Variants in EIF4E observed in about 807,000 individuals in gnomAD.
EIF4E encodes the protein eIF-4F 25 kDa subunit.
For missense variants in EIF4E, 113 were observed against 265.6 expected (o/e 0.43, Z 3.99); for synonymous variants, 71 against 88.5 (o/e 0.80, Z 1.11).
At chr4:98,900,813 C>T (rs1204682776) in intron 2 of EIF4E, among the ~76,000 whole-genome samples, 1 of 152,172 alleles carries the variant, frequency 6.6e-6, no homozygotes, top group Non-Finnish European at 1.5e-5. Context: ...TCCTGTTACA[C>T]TATTAACTAT....
intron 2 of EIF4E, among the ~76,000 whole-genome samples, chr4:98,897,493 G>A (rs1199208448): frequency 6.6e-6 from 1 of 152,086 alleles, no homozygotes; most frequent in Non-Finnish European, 1.5e-5. Context: ...ATGAACCCAG[G>A]AGGCGGAGGT....
Position 98,892,342 on chromosome 4 carries a change from A to C in EIF4E, c.126-1010T>G, listed in dbSNP as rs546685677. ...ATCTCAAAAAACAAAAAAACAAACAAAAAAAAAAAACAAAAAAAACACAGC... is the reference window on the plus strand; with the variant it reads ...ATCTCAAAAAACAAAAAAACAAACACAAAAAAAAAACAAAAAAAACACAGC... On this transcript the variant is annotated intron_variant, in intron 2 of 6. Coordinates refer to ENST00000450253, the MANE Select transcript of EIF4E (RefSeq NM_001968.5). Among the ~76,000 whole-genome samples, 250 of 147,264 alleles carry C rather than the reference A, an allele frequency of 1.7e-3. 8 individuals are homozygous for C. Among genetic ancestry groups the C allele is most frequent in the African/African-American group, 5.9e-3 (235 of 40,140 alleles).
At chr4:98,903,050 C>G (rs1244450415) in intron 1 of EIF4E, among the ~76,000 whole-genome samples, 3 of 152,168 alleles carry the variant, frequency 2.0e-5, no homozygotes, top group Admixed American at 6.5e-5. Flanking sequence ...AAAATTAACA[C>G]TGTCATCTAA....
intron 1 of EIF4E, among the ~76,000 whole-genome samples, chr4:98,902,521 TTA>T (rs1451184498): frequency 7.2e-5 from 11 of 152,174 alleles, no homozygotes; most frequent in African/African-American, 2.7e-4. Flanking sequence ...ATAACAGTAT[TTA>T]TAGTTATCCT....
intron 1 of EIF4E, among the ~76,000 whole-genome samples, chr4:98,906,191 C>T (rs1724867317): frequency 6.6e-6 from 1 of 152,146 alleles, no homozygotes; most frequent in South Asian, 2.1e-4. Flanking sequence ...CAAATATCTA[C>T]TTACTCACAG....
intron 1 of EIF4E, among the ~76,000 whole-genome samples, chr4:98,907,162 C>T (rs1040281196): frequency 2.0e-5 from 3 of 152,146 alleles, no homozygotes; most frequent in African/African-American, 7.2e-5. Context: ...ATATTTATCA[C>T]TTTCCTCCTT....
intron 1 of EIF4E, among the ~76,000 whole-genome samples, chr4:98,927,118 C>G (rs1254955247): frequency 6.6e-6 from 1 of 152,152 alleles, no homozygotes; most frequent in African/African-American, 2.4e-5. Flanking sequence ...ATTTTACATA[C>G]TTATTCTTCA....
intron 1 of EIF4E, chr4:98,926,584 G>A (rs1392270281): frequency 1.3e-5 from 2 of 151,892 alleles, no homozygotes; most frequent in East Asian, 1.9e-4. Context: ...TAAACACTTC[G>A]ATACTATTTT....
chr4:98,916,858 T>C (rs1035376887), intron 1 of EIF4E, among the ~76,000 whole-genome samples: 11 of 151,556 alleles, frequency 7.3e-5, no homozygotes, highest in African/African-American at 2.7e-4. Flanking sequence ...AGAAACCAAA[T>C]AACAGGAAGA....
chr4:98,898,126 A>C (rs969946771), intron 2 of EIF4E, among the ~76,000 whole-genome samples: 1 of 152,198 alleles, frequency 6.6e-6, no homozygotes, highest in Non-Finnish European at 1.5e-5. Flanking sequence ...GGGGGGGGAA[A>C]AAAGAAACCT....
At chr4:98,898,376 A>G (rs1034737676) in intron 2 of EIF4E, among the ~76,000 whole-genome samples, 1 of 152,106 alleles carries the variant, frequency 6.6e-6, no homozygotes, top group Non-Finnish European at 1.5e-5. Context: ...TGCGAGGCCG[A>G]GGTGGGTGGA....
intron 1 of EIF4E, among the ~76,000 whole-genome samples, chr4:98,915,821 C>T (rs1335088386): frequency 6.6e-6 from 1 of 151,642 alleles, no homozygotes; most frequent in African/African-American, 2.4e-5. Context: ...GGATTACAGA[C>T]GTGAGCCACT....
intron 2 of EIF4E, among the ~76,000 whole-genome samples, chr4:98,901,027 C>A (rs1013940530): frequency 6.6e-6 from 1 of 152,204 alleles, no homozygotes; most frequent in African/African-American, 2.4e-5. Flanking sequence ...TGGAACTACT[C>A]TATGGAACCT....
chr4:98,928,606 G>T (rs1225200900), intron 1 of EIF4E, among the ~76,000 whole-genome samples: 1 of 152,040 alleles, frequency 6.6e-6, no homozygotes, highest in Non-Finnish European at 1.5e-5. Flanking sequence ...TAAGGAAGAC[G>T]TGCGCGCGCC....
At chr4:98,888,645 G>A (rs575084731) in intron 3 of EIF4E, among the ~76,000 whole-genome samples, 1 of 152,296 alleles carries the variant, frequency 6.6e-6, no homozygotes, top group South Asian at 2.1e-4. Flanking sequence ...CGATGACTTA[G>A]TTGCTTGCCT....
At position 98,881,138 on chromosome 4, in the gene EIF4E, C is replaced by A. The variant is rs138645913; in HGVS notation, c.544G>T (p.Val182Leu). ...GGAAGTCCTAACCTTTCCTTGTATACCCTCCTAGAAGAAAAAAAAAAAGAA... is the reference window on the plus strand; with the variant it reads ...GGAAGTCCTAACCTTTCCTTGTATAACCTCCTAGAAGAAAAAAAAAAAGAA... ...NREAVTHIGR[V>L]YKERLGLPPK... Residue 182 changes from valine to leucine, a missense_variant, in exon 7 of 7, where the codon GTA becomes TTA. Physicochemically the swap from Val to Leu is conservative, Grantham distance 32 (BLOSUM62 1). Coordinates refer to ENST00000450253, the MANE Select transcript of EIF4E (RefSeq NM_001968.5). 6 of 1,610,168 alleles carry A rather than the reference C, an allele frequency of 3.7e-6. No individual in the cohort carries two copies. Among genetic ancestry groups the A allele is most frequent in the East Asian group, 2.2e-5 (1 of 44,814 alleles).
At chr4:98,901,081 G>T (rs1291956872) in intron 2 of EIF4E, among the ~76,000 whole-genome samples, 1 of 152,152 alleles carries the variant, frequency 6.6e-6, no homozygotes, top group Non-Finnish European at 1.5e-5. Flanking sequence ...TTTTTTAAAA[G>T]TGTTCAATCC....
chr4:98,917,133 C>CACAAAA (rs1386548303), intron 1 of EIF4E, among the ~76,000 whole-genome samples: 13 of 55,240 alleles, frequency 2.4e-4, no homozygotes, highest in Admixed American at 1.1e-3. Context: ...CACACACACA[C>CACAAAA]AAAAAAAACC....
chr4:98,909,849 G>C (rs1157565920), intron 1 of EIF4E: 1 of 678,252 alleles, frequency 1.5e-6, no homozygotes, highest in Non-Finnish European at 2.7e-6. Context: ...GATCAGCCAT[G>C]GTCCCCCAAG....
Sources: allele counts gnomAD v4.1 joint callset (sites outside exome capture counted in the v4.1 genomes callset), GRCh38; gene constraint gnomAD v4.1.1; transcripts MANE v1.5; gene names NCBI Gene and HGNC (gene_info 2026-07-23, HGNC 2026-07-21).